NDST4: variants seen among roughly 807,000 people sequenced by gnomAD.
NDST4 encodes the protein N-deacetylase and N-sulfotransferase 4, also known as N-heparan sulfate sulfotransferase 4.
Under a neutral mutation model 100.8 loss-of-function variants are expected in NDST4, and 63 were observed. The ratio of observed to expected loss-of-function variants is 0.62; its 90% CI spans 0.51 to 0.77. The LOEUF (loss-of-function observed/expected upper bound fraction) is 0.77, where lower values mean the gene tolerates loss of function less well. Among genes scored for constraint, NDST4 ranks in the 30% least tolerant of loss-of-function variants. NDST4 has a pLI of 0.00. For synonymous variants in NDST4, 377 were observed against 361.8 expected (o/e 1.04, Z -0.48); for missense variants, 943 against 1,018.4 (o/e 0.93, Z 1.01).
intron 4 of NDST4, among the ~76,000 whole-genome samples, chr4:114,941,026 C>T (rs548538920): frequency 2.6e-5 from 4 of 152,338 alleles, no homozygotes; most frequent in South Asian, 2.1e-4. Flanking sequence ...CATGTTCTCA[C>T]TTTGGGCCGC....
chr4:114,855,223 A>G (rs961581216), intron 7 of NDST4, among the ~76,000 whole-genome samples: 8 of 150,656 alleles, frequency 5.3e-5, no homozygotes, highest in Admixed American at 4.6e-4. Context: ...TTTTACTTCA[A>G]TCTTTGGGTT....
intron 7 of NDST4, among the ~76,000 whole-genome samples, chr4:114,854,924 A>G (rs1223597137): frequency 5.9e-5 from 9 of 152,144 alleles, no homozygotes; most frequent in South Asian, 2.1e-4. Context: ...CCTTTTCTCT[A>G]CATCTTAACT....
intron 1 of NDST4, among the ~76,000 whole-genome samples, chr4:115,080,843 T>C (rs978861814): frequency 2.6e-5 from 4 of 151,992 alleles, no homozygotes; most frequent in African/African-American, 9.7e-5. Context: ...ACCCACCCCA[T>C]CCACACAACT....
At chr4:115,004,773 T>C (rs1440538217) in intron 2 of NDST4, among the ~76,000 whole-genome samples, 2 of 152,198 alleles carry the variant, frequency 1.3e-5, no homozygotes, top group Non-Finnish European at 2.9e-5. Context: ...TTCATCCTTT[T>C]CAGGACTAAC....
At chr4:115,067,998 G>T (rs1270975458) in intron 2 of NDST4, among the ~76,000 whole-genome samples, 5 of 149,688 alleles carry the variant, frequency 3.3e-5, no homozygotes, top group African/African-American at 9.8e-5. Context: ...ACGGTGTTTG[G>T]TTTTTTGTCC....
intron 6 of NDST4, among the ~76,000 whole-genome samples, chr4:114,906,695 T>C (rs1472105877): frequency 1.3e-5 from 2 of 152,052 alleles, no homozygotes; most frequent in African/African-American, 4.8e-5. Context: ...ATAGCTTATA[T>C]ATCTTGTCTA....
chr4:115,022,294 A>C (rs1727853795), intron 2 of NDST4, among the ~76,000 whole-genome samples: 1 of 152,008 alleles, frequency 6.6e-6, no homozygotes, highest in Non-Finnish European at 1.5e-5. Flanking sequence ...TTCCACATAT[A>C]TATATGTTCC....
chr4:114,950,624 A>G (rs1725969341), intron 4 of NDST4, among the ~76,000 whole-genome samples: 1 of 152,058 alleles, frequency 6.6e-6, no homozygotes, highest in Non-Finnish European at 1.5e-5. Context: ...TTCCCAATCC[A>G]TAGACAGGTT....
chr4:114,990,510 G>A (rs1727013698), intron 2 of NDST4, among the ~76,000 whole-genome samples: 2 of 151,888 alleles, frequency 1.3e-5, no homozygotes, highest in Admixed American at 6.6e-5. Flanking sequence ...TCTTTAGTTT[G>A]ACATTGCAAA....
chr4:115,016,610 A>G (rs1267116211), intron 2 of NDST4, among the ~76,000 whole-genome samples: 2 of 152,112 alleles, frequency 1.3e-5, no homozygotes, highest in African/African-American at 2.4e-5. Flanking sequence ...GGGAGTTACT[A>G]TGTTGGCTGT....
chr4:115,003,060 A>C (rs574583336), intron 2 of NDST4, among the ~76,000 whole-genome samples: 1 of 152,210 alleles, frequency 6.6e-6, no homozygotes, highest in East Asian at 1.9e-4. Flanking sequence ...GGGGAACATC[A>C]TACACTGGGG....
intron 1 of NDST4, among the ~76,000 whole-genome samples, chr4:115,090,730 C>CTGT (rs1217860133): frequency 6.6e-6 from 1 of 151,990 alleles, no homozygotes; most frequent in Non-Finnish European, 1.5e-5. Flanking sequence ...CCAACAGCAC[C>CTGT]TGTTCTCCAT....
chr4:114,867,664 G>GAAAAAAAAAAAAAAAAAAAAAAAAAAAAA (rs1491405935), intron 7 of NDST4, among the ~76,000 whole-genome samples: 1 of 26,082 alleles, frequency 3.8e-5, no homozygotes, highest in Non-Finnish European at 9.7e-5. Flanking sequence ...AAAAAAAAAA[G>GAAAAAAAAAAAAAAAAAAAAAAAAAAAAA]CAAAAAAAAA....
At chr4:114,996,485 C>T (rs575649896) in intron 2 of NDST4, among the ~76,000 whole-genome samples, 73 of 152,104 alleles carry the variant, frequency 4.8e-4, no homozygotes, top group African/African-American at 1.7e-3. Context: ...ATAACTAATT[C>T]CCAATTTTGT....
At chr4:115,058,372 A>G (rs1252685594) in intron 2 of NDST4, among the ~76,000 whole-genome samples, 1 of 152,328 alleles carries the variant, frequency 6.6e-6, no homozygotes, top group East Asian at 1.9e-4. Context: ...GAAATGCAGC[A>G]GATCTGACAA....
At chr4:114,974,036 T>G (rs1029501260) in intron 3 of NDST4, among the ~76,000 whole-genome samples, 143 of 152,056 alleles carry the variant, frequency 9.4e-4, no homozygotes, top group Non-Finnish European at 1.0e-3. Context: ...AATATTTGAA[T>G]CTTATATGAA....
At chr4:114,973,403 T>C (rs567612293) in intron 3 of NDST4, among the ~76,000 whole-genome samples, 39 of 152,110 alleles carry the variant, frequency 2.6e-4, no homozygotes, top group Non-Finnish European at 4.7e-4. Context: ...TTGCAGTTTA[T>C]ATGTGACCAG....
chr4:115,080,880 T>C (rs1729288269), intron 1 of NDST4, among the ~76,000 whole-genome samples: 1 of 152,126 alleles, frequency 6.6e-6, no homozygotes, highest in African/African-American at 2.4e-5. Flanking sequence ...TAAGAGCAGA[T>C]ACCTACTTAC....
At chr4:115,082,645 A>G (rs572851553) in intron 1 of NDST4, among the ~76,000 whole-genome samples, 1 of 152,288 alleles carries the variant, frequency 6.6e-6, no homozygotes, top group South Asian at 2.1e-4. Context: ...TAACTATGCT[A>G]TATTCTTTGT....
Sources: allele counts gnomAD v4.1 joint callset (sites outside exome capture counted in the v4.1 genomes callset), GRCh38; gene constraint gnomAD v4.1.1; transcripts MANE v1.5; gene names NCBI Gene and HGNC (gene_info 2026-07-23, HGNC 2026-07-21).